Variants in ARFGEF1 observed in about 807,000 individuals in gnomAD.
ARFGEF1 encodes brefeldin A-inhibited guanine nucleotide-exchange protein 1.
ARFGEF1 carries 42 observed loss-of-function variants against 231.0 expected under a neutral mutation model. The ratio of observed to expected loss-of-function variants is 0.18; its 90% CI spans 0.14 to 0.24. ARFGEF1 has a LOEUF of 0.24. ARFGEF1 is among the 10% of genes least tolerant of loss of function. ARFGEF1 has a pLI of 1.00. For missense variants in ARFGEF1, 1,345 were observed against 2,192.0 expected, an observed-to-expected ratio of 0.61 and a Z score of 7.72; for synonymous variants, 710 against 732.3, an observed-to-expected ratio of 0.97 and a Z score of 0.49.
Position 67,271,891 on chromosome 8 carries a change from T to C in ARFGEF1, c.1383A>G (p.Leu461=), listed in dbSNP as rs1211024603. ...RSKILSLQLL[L]SILQNAGPIF... ...TAGGTCCTGCATTCTGCAGAATGGA[T>C]AGAAGTAACTGCAATGAAAGAATCT... is the stretch of plus-strand genomic sequence containing the variant. The change falls in exon 10 of 39, where the codon CTA becomes CTG. Residue 461 remains leucine, a synonymous_variant. Coordinates refer to ENST00000262215, the MANE Select transcript of ARFGEF1 (RefSeq NM_006421.5). 3 of 1,612,700 alleles carry C rather than the reference T, an allele frequency of 1.9e-6. No homozygotes were observed. The highest frequency in any genetic ancestry group is 2.2e-5 in the East Asian group (1 of 44,782).
At chr8:67,304,561 T>G (rs1222269492) in intron 1 of ARFGEF1, among the ~76,000 whole-genome samples, 5 of 152,234 alleles carry the variant, frequency 3.3e-5, no homozygotes, top group Non-Finnish European at 5.9e-5. Flanking sequence ...GCGCAGTGGC[T>G]CACACCTATA....
chr8:67,252,140 C>T (rs1244606514), intron 18 of ARFGEF1, among the ~76,000 whole-genome samples: 2 of 151,928 alleles, frequency 1.3e-5, no homozygotes, highest in East Asian at 1.9e-4. Context: ...GGTGTGGTGG[C>T]GCACGCCTGT....
At position 67,222,223 on chromosome 8, in the gene ARFGEF1, A is replaced by G. The variant is rs28799922; in HGVS notation, c.4209-2663T>C. ...TATATATACACACACATATATATAT[A>G]TGTATATGTATGTATGTATGTATGT... On this transcript the variant is annotated intron_variant, in intron 29 of 38. Coordinates refer to ENST00000262215, the MANE Select transcript of ARFGEF1 (RefSeq NM_006421.5). Among the ~76,000 whole-genome samples, 258 of 96,384 alleles carry G rather than the reference A, an allele frequency of 2.7e-3. 1 individual carries two copies. The highest frequency in any genetic ancestry group is 4.0e-3 in the Non-Finnish European group (200 of 50,632). 63.2% of individuals were successfully genotyped at this position (96,384 alleles called of 152,430 possible).
intron 34 of ARFGEF1, among the ~76,000 whole-genome samples, chr8:67,206,560 G>A (rs7002622): frequency 0.2 from 30,418 of 152,108 alleles, 3,630 homozygotes; most frequent in East Asian, 0.37. Context: ...TCAACAGGGC[G>A]TTTCTGATAG....
At chr8:67,330,244 T>C (rs1808037417) in intron 1 of ARFGEF1, among the ~76,000 whole-genome samples, 1 of 152,116 alleles carries the variant, frequency 6.6e-6, no homozygotes, top group African/African-American at 2.4e-5. Flanking sequence ...TATTTAACTA[T>C]TTCATAAGGA....
chr8:67,294,707 A>C (rs1806154982), intron 5 of ARFGEF1, among the ~76,000 whole-genome samples: 1 of 152,168 alleles, frequency 6.6e-6, no homozygotes, highest in Non-Finnish European at 1.5e-5. Context: ...TGGTTTTATT[A>C]CCTACATATG....
chr8:67,253,460 T>C lies in ARFGEF1; in HGVS notation c.2689A>G (p.Ser897Gly). 1.3e-6 allele frequency: 2 copies of C among 1,558,168 alleles called. No homozygotes were observed. Among genetic ancestry groups the C allele is most frequent in the Non-Finnish European group, 1.8e-6 (2 of 1,137,204 alleles). Residue 897 changes from serine (S) to glycine (G), a missense_variant, in exon 18 of 39, where the codon AGT becomes GGT. Around this residue, in one of 14 missense-constraint regions of ARFGEF1, gnomAD observed 23 missense variants for 21.6 expected, o/e 1.07. Transcript: ENST00000262215. ...TAATTTAGATACTTACTCTGTTTAC[T>C]TGATTTTGTAGGGATTGTTAGTTCT... is the stretch of plus-strand genomic sequence containing the variant. ...TKELTIPTKS[S>G]KQNVASEKQR...
At chr8:67,259,777 T>G in intron 15 of ARFGEF1, 38 bp downstream of exon 15, 2 of 1,457,032 alleles carry the variant, frequency 1.4e-6, no homozygotes, top group Non-Finnish European at 1.9e-6. Flanking sequence ...ATCCCAAGAA[T>G]TTTACAGAAA....
chr8:67,304,684 C>A (rs577438838), intron 1 of ARFGEF1, among the ~76,000 whole-genome samples: 9 of 152,204 alleles, frequency 5.9e-5, no homozygotes, highest in African/African-American at 2.2e-4. Flanking sequence ...CCGGGCATGG[C>A]GGTGCATGCC....
rs1309767253 is a variant in ARFGEF1 at position 67,258,448 on chromosome 8, C to T, written c.2236-158G>A. 2.0e-5 allele frequency among the ~76,000 whole-genome samples: 3 copies of T among 152,078 alleles called. No individual in the cohort carries two copies. The East Asian group carries it at 5.8e-4, about 29-fold the overall frequency. ...CAAGCGATTCTCCTGCCTCGGCCTC[C>T]CGAGTAGCTGGGATTAAAGGCGCCT... On this transcript the variant is annotated intron_variant, in intron 15 of 38. Coordinates refer to ENST00000262215, the MANE Select transcript of ARFGEF1 (RefSeq NM_006421.5).
At chr8:67,195,336 C>A, downstream of ARFGEF1, 1 of 1,258,806 alleles carries the variant, frequency 7.9e-7, no homozygotes, top group Non-Finnish European at 1.2e-6. Context: ...ATGTCTCCTG[C>A]CTGCCACCTG....
intron 29 of ARFGEF1, among the ~76,000 whole-genome samples, chr8:67,222,206 C>CACATATATATATATATATATATAT (rs1563846431): frequency 6.2e-5 from 7 of 113,344 alleles, no homozygotes; most frequent in African/African-American, 2.5e-4. Context: ...TATATATATA[C>CACATATATATATATATATATATAT]ACACACATAT....
At chr8:67,210,340 C>T (rs768975462) in intron 34 of ARFGEF1, among the ~76,000 whole-genome samples, 7 of 146,580 alleles carry the variant, frequency 4.8e-5, no homozygotes, top group East Asian at 2.1e-4. Flanking sequence ...ATTAGCTGGG[C>T]GTGATGAGGT....
chr8:67,269,839 A>AC (rs540988323), intron 10 of ARFGEF1, among the ~76,000 whole-genome samples: 128 of 152,288 alleles, frequency 8.4e-4, no homozygotes, highest in Middle Eastern at 6.8e-3. Flanking sequence ...GAAATTTCTT[A>AC]AAGTTTTTCC....
At chr8:67,195,303 T>C (rs1837692199), downstream of ARFGEF1, 1 of 859,208 alleles carries the variant, frequency 1.2e-6, no homozygotes, top group African/African-American at 1.7e-5. Flanking sequence ...TGTAATGAGT[T>C]GGACTACAAG....
At chr8:67,233,274 C>T (rs1193552063) in intron 22 of ARFGEF1, among the ~76,000 whole-genome samples, 1 of 151,926 alleles carries the variant, frequency 6.6e-6, no homozygotes, top group Non-Finnish European at 1.5e-5. Context: ...AATCTCAGTT[C>T]CAATGATACC....
chr8:67,240,176 T>C lies in ARFGEF1; in HGVS notation c.2965A>G (p.Ile989Val), dbSNP rs142188640. The part of the protein sequence containing the change: ...GIRCAIRIAC[I>V]FSIQLERDAY... The stretch of plus-strand genomic sequence containing the variant: ...TTCTCTGTTACCTGAATGCTGAAAA[T>C]GCATGCAATTCTGATTGCACATCTT... Residue 989 changes from isoleucine (I) to valine (V), a missense_variant, in exon 20 of 39, where the codon ATT (isoleucine) becomes GTT (valine). Physicochemically the swap from Ile to Val is conservative, Grantham distance 29. Transcript: ENST00000262215. 2.1e-5 allele frequency: 33 copies of C among 1,608,740 alleles called. No individual in the cohort carries two copies. Among genetic ancestry groups the C allele is most frequent in the Non-Finnish European group, 1.7e-6 (2 of 1,178,878 alleles).
intron 5 of ARFGEF1, among the ~76,000 whole-genome samples, chr8:67,187,620 G>A (rs567271853): frequency 3.9e-5 from 6 of 152,138 alleles, no homozygotes; most frequent in African/African-American, 1.2e-4. Context: ...GAAGTTCAAG[G>A]CTGCCGTGAG....
At chr8:67,308,162 G>C (rs1171763447) in intron 1 of ARFGEF1, among the ~76,000 whole-genome samples, 1 of 152,184 alleles carries the variant, frequency 6.6e-6, no homozygotes, top group Non-Finnish European at 1.5e-5. Flanking sequence ...AGTCATTTCA[G>C]TTTGCCCAGC....
Sources: allele counts gnomAD v4.1 joint callset (sites outside exome capture counted in the v4.1 genomes callset), GRCh38; gene constraint gnomAD v4.1.1; regional missense constraint gnomAD v4.1.1; transcripts MANE v1.5; gene names NCBI Gene and HGNC (gene_info 2026-07-23, HGNC 2026-07-21).